The following GGACT variants were observed in gnomAD, a reference collection of about 807,000 sequenced individuals.
GGACT encodes the protein gamma-glutamylaminecyclotransferase.
For missense variants in GGACT, 241 were observed against 233.2 expected (o/e 1.03, Z -0.22); for synonymous variants, 118 against 115.3 (o/e 1.02, Z -0.15).
intron 2 of GGACT, among the ~76,000 whole-genome samples, chr13:100,550,226 T>C (rs1293431221): frequency 6.6e-6 from 1 of 151,560 alleles, no homozygotes; most frequent in African/African-American, 2.4e-5. Flanking sequence ...GAAAAAGGCA[T>C]TGAGCTGGAG....
At chr13:100,544,226 A>G (rs2153013327) in intron 2 of GGACT, among the ~76,000 whole-genome samples, 1 of 152,348 alleles carries the variant, frequency 6.6e-6, no homozygotes, top group East Asian at 1.9e-4. Context: ...ATAGTTACAC[A>G]TTAATTCTTC....
intron 1 of GGACT, 186 bp downstream of exon 1, chr13:100,588,555 C>A (rs1015526388): frequency 6.6e-6 from 1 of 152,116 alleles, no homozygotes; most frequent in Non-Finnish European, 1.5e-5. Context: ...CCCCTCCCTC[C>A]GGCTGGCCTC....
At chr13:100,583,122 C>A (rs1875466293) in intron 2 of GGACT, among the ~76,000 whole-genome samples, 1 of 152,194 alleles carries the variant, frequency 6.6e-6, no homozygotes, top group Non-Finnish European at 1.5e-5. Context: ...TTAATGCCAA[C>A]ATTAGTTTGG....
chr13:100,581,578 C>A (rs1875418000), intron 2 of GGACT, among the ~76,000 whole-genome samples: 2 of 152,320 alleles, frequency 1.3e-5, no homozygotes, highest in Middle Eastern at 3.4e-3. Context: ...AACCCTCCTG[C>A]ACGGAAGAAT....
At position 100,530,308 on chromosome 13, in the gene GGACT, A is replaced by G; in HGVS notation, c.*1822T>C. ...TCATTTATTCCACAGAGTCAAGACC[A>G]ATATTCTGCCAAAAAATCACCAATG... is the stretch of plus-strand genomic sequence containing the variant. On this transcript the variant is annotated 3_prime_UTR_variant, in exon 3 of 3. Coordinates refer to ENST00000683975, the MANE Select transcript of GGACT (RefSeq NM_001195087.2). 1.4e-6 allele frequency: 1 copy of G among 726,124 alleles called. No homozygotes were observed. The highest frequency in any genetic ancestry group is 2.5e-6 in the Non-Finnish European group (1 of 404,152). 45.0% of individuals were successfully genotyped at this position (726,124 alleles called of 1,614,324 possible).
At chr13:100,538,962 T>C (rs958586482) in intron 2 of GGACT, 1 of 152,254 alleles carries the variant, frequency 6.6e-6, no homozygotes, top group Non-Finnish European at 1.5e-5. Flanking sequence ...TCCTAAGTAT[T>C]TTATTCTTTT....
chr13:100,568,727 CA>C lies in GGACT; in HGVS notation c.-11+15097del, dbSNP rs1874987100. 2.0e-5 allele frequency among the ~76,000 whole-genome samples: 3 copies of C among 152,216 alleles called. No individual in the cohort carries two copies. In the South Asian group the frequency reaches 6.2e-4, roughly 32 times the overall value. On this transcript the variant is annotated intron_variant, in intron 2 of 2. Coordinates refer to ENST00000683975, the MANE Select transcript of GGACT (RefSeq NM_001195087.2). The stretch of plus-strand genomic sequence containing the variant: ...GTCTTAACTCATTCCAGCGTTAGCT[CA>C]AAAGTGAAGTCCAAAGTCTCATCTG...
intron 1 of GGACT, among the ~76,000 whole-genome samples, chr13:100,584,439 A>T (rs538639927): frequency 1.3e-5 from 2 of 152,214 alleles, no homozygotes; most frequent in South Asian, 4.1e-4. Context: ...AATTGAACTG[A>T]CTGAGATAGA....
chr13:100,531,463 A>G lies in GGACT; in HGVS notation c.*667T>C, dbSNP rs1172035346. 5 of 152,222 alleles carry G rather than the reference A, an allele frequency of 3.3e-5. No homozygotes were observed. Among genetic ancestry groups the G allele is most frequent in the East Asian group, 1.9e-4 (1 of 5,198 alleles). 9.4% of individuals were successfully genotyped at this position (152,222 alleles called of 1,614,324 possible). ...TGTGTCTACCAGCAAGTGGGTGTTCATTATTTTGCTAGATCAGAATGTAAA... is the reference window on the plus strand; with the variant it reads ...TGTGTCTACCAGCAAGTGGGTGTTCGTTATTTTGCTAGATCAGAATGTAAA... On this transcript the variant is annotated 3_prime_UTR_variant, in exon 3 of 3. Coordinates refer to ENST00000683975, the MANE Select transcript of GGACT (RefSeq NM_001195087.2).
At chr13:100,555,772 A>G (rs898293248) in intron 2 of GGACT, among the ~76,000 whole-genome samples, 1 of 152,252 alleles carries the variant, frequency 6.6e-6, no homozygotes, top group Admixed American at 6.5e-5. Flanking sequence ...ACAATATGTT[A>G]AAAGGATAAT....
At chr13:100,577,775 T>C (rs1288732112) in intron 2 of GGACT, among the ~76,000 whole-genome samples, 1 of 141,944 alleles carries the variant, frequency 7.0e-6, no homozygotes, top group Non-Finnish European at 1.5e-5. Flanking sequence ...AGTAAAATGC[T>C]GAAAAGGGAA....
intron 2 of GGACT, among the ~76,000 whole-genome samples, chr13:100,577,941 G>A (rs1412350908): frequency 2.6e-5 from 4 of 152,036 alleles, no homozygotes; most frequent in Non-Finnish European, 2.9e-5. Flanking sequence ...TAATTGTTAT[G>A]AATAAAGGGT....
At chr13:100,556,390 T>C (rs935016407) in intron 2 of GGACT, among the ~76,000 whole-genome samples, 1 of 152,184 alleles carries the variant, frequency 6.6e-6, no homozygotes, top group African/African-American at 2.4e-5. Context: ...CCAAAAAATC[T>C]GAAATACTTA....
rs1222245739 is a variant in GGACT, at chr13:100,583,527, CCTTT to C, written c.-11+294_-11+297del. 4.6e-5 allele frequency among the ~76,000 whole-genome samples: 7 copies of C among 152,226 alleles called. No homozygotes were observed. In the South Asian group the frequency reaches 6.2e-4, roughly 14 times the overall value. ...TATTCTTTCCTTCCCTTTCCCTCCT[CCTTT>C]AATTTTTTGAGACAGGGTCTCACTC... On this transcript the variant is annotated intron_variant, in intron 2 of 2. Coordinates refer to ENST00000683975, the MANE Select transcript of GGACT (RefSeq NM_001195087.2).
intron 2 of GGACT, among the ~76,000 whole-genome samples, chr13:100,568,220 G>C (rs1874966798): frequency 6.6e-6 from 1 of 152,248 alleles, no homozygotes. Flanking sequence ...ACATCCTGCT[G>C]TCAGGGGTTA....
chr13:100,547,283 C>T (rs1434383392), intron 2 of GGACT, among the ~76,000 whole-genome samples: 1 of 152,176 alleles, frequency 6.6e-6, no homozygotes, highest in Non-Finnish European at 1.5e-5. Flanking sequence ...ACTCACCTCC[C>T]GGGACAGCAC....
Position 100,532,038 on chromosome 13 carries a change from G to GCCCT in GGACT, c.*88_*91dup. On this transcript the variant is annotated 3_prime_UTR_variant, in exon 3 of 3. Transcript: ENST00000683975. The stretch of plus-strand genomic sequence containing the variant: ...CTTTCCGGCAGATTCATTGGAAAGG[G>GCCCT]CCCTGTTCGGCTTCCGCCTTCACCC... 1 of 843,302 alleles carries GCCCT rather than the reference G, an allele frequency of 1.2e-6. No individual in the cohort carries two copies. The highest frequency in any genetic ancestry group is 1.7e-6 in the Non-Finnish European group (1 of 592,572). 52.2% of individuals were successfully genotyped at this position (843,302 alleles called of 1,614,324 possible).
chr13:100,581,927 T>C (rs1287433992), intron 2 of GGACT, among the ~76,000 whole-genome samples: 1 of 152,234 alleles, frequency 6.6e-6, no homozygotes, highest in Non-Finnish European at 1.5e-5. Context: ...TATGCTGGGT[T>C]GTTCTGAACT....
chr13:100,536,113 C>T (rs571981180), intron 2 of GGACT: 2 of 152,334 alleles, frequency 1.3e-5, no homozygotes, highest in East Asian at 3.9e-4. Flanking sequence ...TCTAACTTTC[C>T]GAGTTCTTGC....
Sources: gnomAD v4.1 joint callset for allele counts (sites outside exome capture counted in the v4.1 genomes callset) on GRCh38, gnomAD v4.1.1 for gene constraint, MANE v1.5 for transcripts, NCBI Gene and HGNC (gene_info 2026-07-23, HGNC 2026-07-21) for gene names.